Variants in HMGCLL1 observed in about 807,000 individuals in gnomAD.
HMGCLL1 encodes the protein 3-hydroxy-3-methylglutaryl-CoA lyase like 1, also known as 3-hydroxymethyl-3-methylglutaryl-CoA lyase, cytoplasmic.
HMGCLL1 carries 36 observed loss-of-function variants against 39.1 expected under a neutral mutation model. That is an observed-to-expected ratio of 0.92 (90% confidence interval 0.71 to 1.22). The LOEUF (loss-of-function observed/expected upper bound fraction) is 1.22. Among genes scored for constraint, HMGCLL1 ranks in the 50% most tolerant of loss-of-function variants. The probability of loss-of-function intolerance (pLI) is 0.00; values close to 1 mark genes in which losing one functional copy is unlikely to be tolerated. For missense variants in HMGCLL1, 451 were observed against 416.5 expected, an observed-to-expected ratio of 1.08 and a Z score of -0.72; for synonymous variants, 149 against 144.0, an observed-to-expected ratio of 1.03 and a Z score of -0.25.
intron 7 of HMGCLL1, among the ~76,000 whole-genome samples, chr6:55,444,914 G>A (rs561438070): frequency 6.6e-6 from 1 of 152,102 alleles, no homozygotes; most frequent in South Asian, 2.1e-4. Context: ...GACATAATCT[G>A]AGTAAAAGAG....
chr6:55,523,575 G>A (rs1768149893), intron 3 of HMGCLL1, among the ~76,000 whole-genome samples: 1 of 151,892 alleles, frequency 6.6e-6, no homozygotes, highest in East Asian at 1.9e-4. Context: ...TCTGCCAATT[G>A]GGAGAGCTCA....
intron 7 of HMGCLL1, among the ~76,000 whole-genome samples, chr6:55,477,222 T>A (rs9475307): frequency 1.8e-4 from 2 of 11,394 alleles, no homozygotes; most frequent in African/African-American, 1.0e-3. Flanking sequence ...TATATTATAA[T>A]ATATAATATA....
intron 7 of HMGCLL1, among the ~76,000 whole-genome samples, chr6:55,485,461 T>G (rs1268961642): frequency 6.6e-6 from 1 of 151,284 alleles, no homozygotes; most frequent in African/African-American, 2.4e-5. Flanking sequence ...AATAAATTCA[T>G]AAATTAATAA....
At chr6:55,658,808 C>CAAT in the HMGCLL1 span, among the ~76,000 whole-genome samples, 3 of 151,712 alleles carry the variant, frequency 2.0e-5, no homozygotes, top group Non-Finnish European at 2.9e-5. Context: ...AGATTTGAAC[C>CAAT]AACAACTCAC....
At chr6:55,524,682 T>C (rs577525836) in intron 3 of HMGCLL1, among the ~76,000 whole-genome samples, 5 of 152,030 alleles carry the variant, frequency 3.3e-5, no homozygotes, top group Middle Eastern at 3.4e-3. Flanking sequence ...TCAAACTGAA[T>C]GATCCCAGAG....
chr6:55,436,779 T>G (rs760784744), intron 8 of HMGCLL1, among the ~76,000 whole-genome samples: 1 of 152,082 alleles, frequency 6.6e-6, no homozygotes, highest in Non-Finnish European at 1.5e-5. Context: ...CATTTCGATA[T>G]AGCTAATTAC....
At chr6:55,632,752 A>T in the HMGCLL1 span, among the ~76,000 whole-genome samples, 1 of 152,082 alleles carries the variant, frequency 6.6e-6, no homozygotes, top group Non-Finnish European at 1.5e-5. Context: ...AAATATTTGC[A>T]TTAAAGGTTA....
At chr6:55,608,582 T>C in the HMGCLL1 span, among the ~76,000 whole-genome samples, 1 of 152,206 alleles carries the variant, frequency 6.6e-6, no homozygotes, top group Non-Finnish European at 1.5e-5. Flanking sequence ...AAAAAAAGCC[T>C]GACTCATTAT....
chr6:55,662,815 G>GTTT, the HMGCLL1 span, among the ~76,000 whole-genome samples: 1 of 150,502 alleles, frequency 6.6e-6, no homozygotes, highest in Non-Finnish European at 1.5e-5. Context: ...CTGACCCTGG[G>GTTT]TTTTGTTGTT....
At chr6:55,674,220 T>G in the HMGCLL1 span, among the ~76,000 whole-genome samples, 1 of 151,896 alleles carries the variant, frequency 6.6e-6, no homozygotes, top group Non-Finnish European at 1.5e-5. Flanking sequence ...GAATATGGTG[T>G]CAAGTTATAT....
At chr6:55,464,894 T>C (rs1207818411) in intron 7 of HMGCLL1, among the ~76,000 whole-genome samples, 1 of 152,162 alleles carries the variant, frequency 6.6e-6, no homozygotes, top group Non-Finnish European at 1.5e-5. Context: ...CTCTGTGCTC[T>C]TTACTCCTTT....
chr6:55,551,396 A>G (rs1770318825), intron 1 of HMGCLL1, among the ~76,000 whole-genome samples: 1 of 151,934 alleles, frequency 6.6e-6, no homozygotes, highest in Non-Finnish European at 1.5e-5. Context: ...CATATTTAGT[A>G]TTAGGAACAG....
chr6:55,642,174 T>C, the HMGCLL1 span, among the ~76,000 whole-genome samples: 1 of 143,190 alleles, frequency 7.0e-6, no homozygotes, highest in Non-Finnish European at 1.5e-5. Flanking sequence ...TTTTTTGTTC[T>C]TGCGATAGTT....
chr6:55,536,975 T>C (rs1202365529), intron 3 of HMGCLL1, among the ~76,000 whole-genome samples: 1 of 151,820 alleles, frequency 6.6e-6, no homozygotes, highest in Non-Finnish European at 1.5e-5. Flanking sequence ...AGAATACCAA[T>C]TTAGATCCAC....
chr6:55,526,662 G>A (rs1768339368), intron 3 of HMGCLL1, among the ~76,000 whole-genome samples: 1 of 151,746 alleles, frequency 6.6e-6, no homozygotes, highest in Non-Finnish European at 1.5e-5. Flanking sequence ...AATAATGATG[G>A]TAATAATGGT....
chr6:55,631,356 G>A, the HMGCLL1 span, among the ~76,000 whole-genome samples: 2 of 151,882 alleles, frequency 1.3e-5, no homozygotes, highest in Non-Finnish European at 2.9e-5. Context: ...GTGGGTGGTA[G>A]GCAATAACTT....
chr6:55,484,513 A>G (rs1409285634), intron 7 of HMGCLL1, among the ~76,000 whole-genome samples: 4 of 152,078 alleles, frequency 2.6e-5, no homozygotes, highest in Non-Finnish European at 5.9e-5. Flanking sequence ...GATGTGTAGC[A>G]GATTTCTCAA....
At chr6:55,669,611 T>C in the HMGCLL1 span, among the ~76,000 whole-genome samples, 1 of 151,740 alleles carries the variant, frequency 6.6e-6, no homozygotes, top group Admixed American at 6.6e-5. Flanking sequence ...CATCACGAAG[T>C]CTTGAAACAA....
intron 7 of HMGCLL1, among the ~76,000 whole-genome samples, chr6:55,450,785 A>C (rs576726038): frequency 6.6e-6 from 1 of 152,332 alleles, no homozygotes; most frequent in African/African-American, 2.4e-5. Flanking sequence ...GATTAGGATA[A>C]GTTTTGGGAC....
Sources: gnomAD v4.1 joint callset for allele counts (sites outside exome capture counted in the v4.1 genomes callset) on GRCh38, gnomAD v4.1.1 for gene constraint, MANE v1.5 for transcripts, NCBI Gene and HGNC (gene_info 2026-07-23, HGNC 2026-07-21) for gene names.